The following OVOL2 variants were observed in gnomAD, a reference collection of about 807,000 sequenced individuals.
The protein encoded by OVOL2 is transcription factor Ovo-like 2.
A neutral mutation model predicts 18.1 loss-of-function variants in OVOL2; 13 were observed. The ratio of observed to expected loss-of-function variants is 0.72; its 90% CI spans 0.47 to 1.14. OVOL2 has a LOEUF of 1.14. Ranked by LOEUF, OVOL2 falls within the 50% of genes most tolerant of loss-of-function variation. OVOL2 has a pLI of 0.00. For synonymous variants in OVOL2, 166 were observed against 162.7 expected, an observed-to-expected ratio of 1.02 and a Z score of -0.16; for missense variants, 335 against 383.0, an observed-to-expected ratio of 0.87 and a Z score of 1.05.
chr20:18,058,592 C>T (rs1368453616), upstream of OVOL2, among the ~76,000 whole-genome samples: 1 of 151,168 alleles, frequency 6.6e-6, no homozygotes, highest in Non-Finnish European at 1.5e-5. Context: ...GAAACAAAAG[C>T]CAGGAGCATA....
At chr20:18,028,590 C>A (rs1205928913) in intron 3 of OVOL2, among the ~76,000 whole-genome samples, 1 of 151,828 alleles carries the variant, frequency 6.6e-6, no homozygotes, top group African/African-American at 2.4e-5. Context: ...GTCGGGAGTT[C>A]GAGACCTGCC....
At chr20:18,040,229 A>G (rs2036656626) in intron 3 of OVOL2, among the ~76,000 whole-genome samples, 1 of 152,126 alleles carries the variant, frequency 6.6e-6, no homozygotes, top group African/African-American at 2.4e-5. Context: ...CAGCCTGCAG[A>G]TAGTAAATTC....
rs766279876 is a variant in OVOL2, at chr20:18,024,733, T to C, written c.731A>G (p.Lys244Arg). The change falls in exon 4 of 4, where the codon AAA becomes AGA. Residue 244 changes from lysine to arginine, a missense_variant. Transcript: ENST00000278780. ...NSAHPGSSFL[K>R]KTSKKLAALL... Reference sequence around the variant, plus strand: ...GGCTGCCAGTTTTTTAGATGTCTTTTTGAGAAACGAGCTGCCCGGATGGGC... The same window carrying C: ...GGCTGCCAGTTTTTTAGATGTCTTTCTGAGAAACGAGCTGCCCGGATGGGC... 10 of 1,614,168 alleles carry C rather than the reference T, an allele frequency of 6.2e-6. No homozygotes were observed. The highest frequency in any genetic ancestry group is 1.7e-5 in the Admixed American group (1 of 60,012).
chr20:18,045,053 C>T (rs1312625801), intron 2 of OVOL2, among the ~76,000 whole-genome samples: 2 of 152,136 alleles, frequency 1.3e-5, no homozygotes, highest in Non-Finnish European at 2.9e-5. Context: ...TTCGATGACC[C>T]AGTTGGGTGG....
chr20:18,040,825 G>A (rs2036661121), intron 3 of OVOL2, among the ~76,000 whole-genome samples: 2 of 152,294 alleles, frequency 1.3e-5, no homozygotes, highest in Admixed American at 1.3e-4. Context: ...GTCTCAGGAG[G>A]AACACGATGC....
chr20:18,056,891 G>A lies in OVOL2; in HGVS notation c.101-14C>T. On this transcript the variant is annotated splice_polypyrimidine_tract_variant and intron_variant, in intron 1 of 3. Coordinates refer to ENST00000278780, the MANE Select transcript of OVOL2 (RefSeq NM_021220.4). This position sits in a 1 kb window ranked among gnomAD's most constrained non-coding sequence, Gnocchi z 4.2. The stretch of plus-strand genomic sequence containing the variant: ...GGCCTAGGCCCACTGTGGAGGGAGG[G>A]GCCGCGCCCCGACACACACACTCGG... 6.8e-7 allele frequency: 1 copy of A among 1,478,066 alleles called. No homozygotes were observed. Among genetic ancestry groups the A allele is most frequent in the Non-Finnish European group, 8.9e-7 (1 of 1,122,502 alleles). The allele number at this position is 1,478,066 out of a possible 1,614,324, so 91.6% of individuals were successfully genotyped here. A position where few individuals can be genotyped will look rare whatever the true frequency, so the allele number is the denominator to read the frequency against.
At position 18,056,902 on chromosome 20, in the gene OVOL2, GAC is replaced by G. The variant is rs1568642074; in HGVS notation, c.101-27_101-26del. The G allele has an allele frequency of 2.0e-6, 3 of 1,474,792 alleles. No homozygotes were observed. Among genetic ancestry groups the G allele is most frequent in the Admixed American group, 2.4e-5 (1 of 41,828 alleles). 91.4% of individuals were successfully genotyped at this position (1,474,792 alleles called of 1,614,324 possible). On this transcript the variant is annotated intron_variant, in intron 1 of 3. Transcript: ENST00000278780. This position sits in a 1 kb window ranked among gnomAD's most constrained non-coding sequence, Gnocchi z 4.2. The stretch of plus-strand genomic sequence containing the variant: ...ACTGTGGAGGGAGGGGCCGCGCCCC[GAC>G]ACACACACTCGGCGTCAACCCGCAC...
intron 3 of OVOL2, among the ~76,000 whole-genome samples, chr20:18,027,992 G>T (rs1366884580): frequency 2.0e-5 from 3 of 151,930 alleles, no homozygotes; most frequent in Non-Finnish European, 4.4e-5. Context: ...TATGGTACTG[G>T]GGGTGCATGG....
Position 18,026,559 on chromosome 20 carries a change from C to T in OVOL2, c.512-1607G>A, listed in dbSNP as rs545300150. 5.2e-3 allele frequency among the ~76,000 whole-genome samples: 786 copies of T among 152,090 alleles called. 2 individuals are homozygous for T. Among genetic ancestry groups the T allele is most frequent in the Non-Finnish European group, 7.9e-3 (536 of 67,972 alleles). On this transcript the variant is annotated intron_variant, in intron 3 of 3. Transcript: ENST00000278780. ...ACCACGCCCAGCTAATTTTTTGTATCTTTAGTAGAGACGGGGTTTCACCAT... is the reference window on the plus strand; with the variant it reads ...ACCACGCCCAGCTAATTTTTTGTATTTTTAGTAGAGACGGGGTTTCACCAT...
chr20:18,026,997 C>T (rs183848933), intron 3 of OVOL2, among the ~76,000 whole-genome samples: 1 of 152,300 alleles, frequency 6.6e-6, no homozygotes, highest in Admixed American at 6.5e-5. Context: ...CCATTGGGTA[C>T]TACGCGCACT....
intron 3 of OVOL2, among the ~76,000 whole-genome samples, chr20:18,025,981 C>T (rs781448590): frequency 6.6e-6 from 1 of 152,262 alleles, no homozygotes; most frequent in Non-Finnish European, 1.5e-5. Context: ...CCAGAAATGG[C>T]AGATGCCCAG....
In OVOL2 at chr20:18,057,423, A is replaced by T. The variant is rs550302228; in HGVS notation, c.100+112T>A. 106 of 1,249,100 alleles carry T rather than the reference A, an allele frequency of 8.5e-5. No individual in the cohort carries two copies. The East Asian group carries it at 2.6e-3, about 31-fold the overall frequency. 77.4% of individuals were successfully genotyped at this position (1,249,100 alleles called of 1,614,324 possible). The stretch of plus-strand genomic sequence containing the variant: ...TAGAAGACCCCCGCGTGCCCCCCGG[A>T]AGAGGGGGATGAGGTGGGGAGCCCG... On this transcript the variant is annotated intron_variant, in intron 1 of 3. Transcript: ENST00000278780. This position sits in a 1 kb window ranked among gnomAD's most constrained non-coding sequence, Gnocchi z 6.3.
intron 2 of OVOL2, among the ~76,000 whole-genome samples, chr20:18,053,158 C>A (rs186223186): frequency 6.6e-6 from 1 of 152,334 alleles, no homozygotes; most frequent in Admixed American, 6.5e-5. Context: ...CCCATCAACA[C>A]GATCAAGTTA....
chr20:18,035,740 G>A (rs79663889), intron 3 of OVOL2, among the ~76,000 whole-genome samples: 18,359 of 152,144 alleles, frequency 0.12, 1,212 homozygotes, highest in Middle Eastern at 0.16. Context: ...AAAATAGGTC[G>A]GGATGGGGTA....
chr20:18,056,885 G>A lies in OVOL2; in HGVS notation c.101-8C>T, dbSNP rs1808669080. On this transcript the variant is annotated splice_region_variant and splice_polypyrimidine_tract_variant and intron_variant, in intron 1 of 3. Transcript: ENST00000278780. The surrounding 1 kb of genome is among the most constrained non-coding windows in gnomAD (Gnocchi z 4.2). ...GCAGGCGGCCTAGGCCCACTGTGGA[G>A]GGAGGGGCCGCGCCCCGACACACAC... 6.8e-7 allele frequency: 1 copy of A among 1,480,420 alleles called. No individual in the cohort carries two copies. Among genetic ancestry groups the A allele is most frequent in the Non-Finnish European group, 8.9e-7 (1 of 1,123,630 alleles). 91.7% of individuals were successfully genotyped at this position (1,480,420 alleles called of 1,614,324 possible). A position where few individuals can be genotyped will look rare whatever the true frequency, so the allele number is the denominator to read the frequency against.
chr20:18,057,775 G>A lies in OVOL2; in HGVS notation c.-141C>T. The A allele has an allele frequency of 7.1e-7, 1 of 1,406,150 alleles. No homozygotes were observed. Among genetic ancestry groups the A allele is most frequent in the Non-Finnish European group, 9.2e-7 (1 of 1,088,286 alleles). The allele number at this position is 1,406,150 out of a possible 1,614,324, so 87.1% of individuals were successfully genotyped here. On this transcript the variant is annotated 5_prime_UTR_variant, in exon 1 of 4. Transcript: ENST00000278780. The surrounding 1 kb of genome is among the most constrained non-coding windows in gnomAD (Gnocchi z 6.3). ...CTGCCCTCTTCCTCCACCCCCCGCC[G>A]CGGCGCGGCCCAGGCCTCTCCCCCG...
At chr20:18,039,619 A>AAAAGAAAG (rs1317102674) in intron 3 of OVOL2, among the ~76,000 whole-genome samples, 1 of 136,498 alleles carries the variant, frequency 7.3e-6, no homozygotes, top group African/African-American at 2.6e-5. Context: ...AAAAAAAAAA[A>AAAAGAAAG]AAAGAAAGAA....
At chr20:18,038,590 C>T (rs2036640714) in intron 3 of OVOL2, among the ~76,000 whole-genome samples, 1 of 152,186 alleles carries the variant, frequency 6.6e-6, no homozygotes, top group Non-Finnish European at 1.5e-5. Context: ...GAGGCAAGGC[C>T]ATCAGCTCAG....
intron 2 of OVOL2, among the ~76,000 whole-genome samples, chr20:18,044,728 C>G (rs1349524576): frequency 6.6e-6 from 1 of 152,132 alleles, no homozygotes; most frequent in Non-Finnish European, 1.5e-5. Context: ...TCCGAGGGGG[C>G]ACCTACCCCA....
Sources: gnomAD v4.1 joint callset for allele counts (sites outside exome capture counted in the v4.1 genomes callset) on GRCh38, gnomAD v4.1.1 for gene constraint, Gnocchi (gnomAD v3.1) non-coding constraint, MANE v1.5 for transcripts, NCBI Gene and HGNC (gene_info 2026-07-23, HGNC 2026-07-21) for gene names.